LRRTM3: variants seen among roughly 807,000 people sequenced by gnomAD.
LRRTM3 encodes the protein leucine-rich repeat transmembrane neuronal protein 3.
In LRRTM3, 24 loss-of-function variants were observed where a neutral mutation model predicts 44.7. The observed-to-expected ratio is 0.54, with a 90% CI of 0.39 to 0.76. The LOEUF is 0.76. Ranked by LOEUF, LRRTM3 falls within the 30% of genes least tolerant of loss-of-function variation. The probability of loss-of-function intolerance (pLI) is 0.00; values close to 1 mark genes in which losing one functional copy is unlikely to be tolerated. For missense variants in LRRTM3, 587 were observed against 702.2 expected, an observed-to-expected ratio of 0.84 and a Z score of 1.85; for synonymous variants, 277 against 278.7, an observed-to-expected ratio of 0.99 and a Z score of 0.06.
At chr10:67,065,745 T>A (rs932895648) in intron 2 of LRRTM3, among the ~76,000 whole-genome samples, 1 of 152,120 alleles carries the variant, frequency 6.6e-6, no homozygotes, top group Admixed American at 6.5e-5. Context: ...AGGAGGCATA[T>A]ATGTGAATGA....
At chr10:67,061,528 C>T (rs1351776456) in intron 2 of LRRTM3, among the ~76,000 whole-genome samples, 1 of 152,122 alleles carries the variant, frequency 6.6e-6, no homozygotes, top group Non-Finnish European at 1.5e-5. Context: ...GTGGAGGCTG[C>T]ACTTCCCTTG....
At chr10:67,068,396 G>A (rs1724564033) in intron 2 of LRRTM3, among the ~76,000 whole-genome samples, 1 of 152,178 alleles carries the variant, frequency 6.6e-6, no homozygotes, top group Non-Finnish European at 1.5e-5. Flanking sequence ...TACGTTGGGG[G>A]ACATTCGATG....
chr10:67,092,797 G>C (rs906185160), intron 2 of LRRTM3, among the ~76,000 whole-genome samples: 3 of 151,908 alleles, frequency 2.0e-5, no homozygotes, highest in African/African-American at 7.2e-5. Flanking sequence ...TATGAGACTT[G>C]GCACATCACT....
At chr10:67,045,364 C>T (rs1210910168) in intron 2 of LRRTM3, among the ~76,000 whole-genome samples, 3 of 152,048 alleles carry the variant, frequency 2.0e-5, no homozygotes, top group Non-Finnish European at 4.4e-5. Context: ...TGGAGGTCAC[C>T]AAATACCTCC....
chr10:67,056,036 A>G (rs1465519774), intron 2 of LRRTM3, among the ~76,000 whole-genome samples: 2 of 152,064 alleles, frequency 1.3e-5, no homozygotes, highest in South Asian at 2.1e-4. Flanking sequence ...TGTATATTAT[A>G]TTGTTGAGGT....
rs568700637 is a variant in LRRTM3, at chr10:67,035,041, G to C, written c.1537-62546G>C. Among the ~76,000 whole-genome samples the C allele has an allele frequency of 3.9e-5, 6 of 152,298 alleles. No individual in the cohort carries two copies. The South Asian group carries it at 1.2e-3, about 32-fold the overall frequency. ...CCCTTATTGAGGTCACCAGTTAGAAGTGCTCACTGTATTTTATGAATACTG... is the reference window on the plus strand; with the variant it reads ...CCCTTATTGAGGTCACCAGTTAGAACTGCTCACTGTATTTTATGAATACTG... On this transcript the variant is annotated intron_variant, in intron 2 of 2. Coordinates refer to ENST00000361320, the MANE Select transcript of LRRTM3 (RefSeq NM_178011.5).
At chr10:66,940,578 T>C (rs917213882) in intron 2 of LRRTM3, among the ~76,000 whole-genome samples, 1 of 152,234 alleles carries the variant, frequency 6.6e-6, no homozygotes, top group African/African-American at 2.4e-5. Flanking sequence ...AAGAGGTTTC[T>C]GACAAAATGT....
At chr10:66,960,379 G>T (rs977328527) in intron 2 of LRRTM3, among the ~76,000 whole-genome samples, 1 of 152,110 alleles carries the variant, frequency 6.6e-6, no homozygotes, top group Non-Finnish European at 1.5e-5. Context: ...TGTCAAACCA[G>T]ATGTTGTATG....
chr10:66,958,102 C>G (rs992144805), intron 2 of LRRTM3, among the ~76,000 whole-genome samples: 4 of 152,042 alleles, frequency 2.6e-5, no homozygotes, highest in African/African-American at 9.7e-5. Flanking sequence ...TCAGTACCAG[C>G]TTCCAGAACA....
chr10:67,088,969 C>A (rs1276550286), intron 2 of LRRTM3, among the ~76,000 whole-genome samples: 1 of 151,882 alleles, frequency 6.6e-6, no homozygotes, highest in African/African-American at 2.4e-5. Context: ...TAGAACAATA[C>A]AGTATAATGA....
At chr10:66,931,325 C>T (rs771839039) in intron 2 of LRRTM3, among the ~76,000 whole-genome samples, 2 of 151,862 alleles carry the variant, frequency 1.3e-5, no homozygotes, top group African/African-American at 2.4e-5. Context: ...TTTTTATTAA[C>T]CCCAGTACAC....
intron 2 of LRRTM3, among the ~76,000 whole-genome samples, chr10:67,091,953 T>G (rs1857669278): frequency 6.6e-6 from 1 of 152,074 alleles, no homozygotes; most frequent in African/African-American, 2.4e-5. Context: ...GAAATGCCTA[T>G]TTCTTATTTT....
At chr10:66,983,846 A>G (rs1201572913) in intron 2 of LRRTM3, among the ~76,000 whole-genome samples, 1 of 152,256 alleles carries the variant, frequency 6.6e-6, no homozygotes. Context: ...TTGAAAAATA[A>G]TTAATGTTAA....
At chr10:67,006,833 G>C (rs958622183) in intron 2 of LRRTM3, among the ~76,000 whole-genome samples, 6 of 151,096 alleles carry the variant, frequency 4.0e-5, no homozygotes, top group African/African-American at 1.5e-4. Context: ...TCACTCTGTT[G>C]CCCAGGCTGG....
chr10:67,086,796 A>C (rs76730448), intron 2 of LRRTM3, among the ~76,000 whole-genome samples: 2,366 of 152,074 alleles, frequency 0.016, 61 homozygotes, highest in African/African-American at 0.054. Flanking sequence ...AATTCCAAAC[A>C]CTAGTATCTG....
Position 67,097,571 on chromosome 10 carries a change from T to C in LRRTM3, c.1537-16T>C, listed in dbSNP as rs1858081624. On this transcript the variant is annotated splice_polypyrimidine_tract_variant and intron_variant, in intron 2 of 2. Transcript: ENST00000361320. ...ATATTTTTATAACTGACTTTTCTCA[T>C]GTCATTTTTCCCCAGATACCTTTAT... The C allele has an allele frequency of 4.4e-6, 7 of 1,609,114 alleles. No homozygotes were observed. The highest frequency in any genetic ancestry group is 5.9e-6 in the Non-Finnish European group (7 of 1,176,564).
chr10:67,074,086 A>T (rs1318312900), intron 2 of LRRTM3, among the ~76,000 whole-genome samples: 2 of 121,484 alleles, frequency 1.6e-5, no homozygotes, highest in African/African-American at 3.3e-5. Context: ...TCCAGGCTGG[A>T]GTGCAGTGGC....
At chr10:66,945,816 GT>G (rs1239462397) in intron 2 of LRRTM3, among the ~76,000 whole-genome samples, 1 of 152,128 alleles carries the variant, frequency 6.6e-6, no homozygotes, top group Non-Finnish European at 1.5e-5. Flanking sequence ...ACTTTGATGT[GT>G]CTCAGGGAAT....
rs3841706 is a variant in LRRTM3, at chr10:67,052,313, A to ACTCTCTCTCTCT, written c.1537-45244_1537-45233dup. Among the ~76,000 whole-genome samples the ACTCTCTCTCTCT allele has an allele frequency of 8.0e-3, 969 of 121,024 alleles. 23 individuals are homozygous for ACTCTCTCTCTCT. The highest frequency in any genetic ancestry group is 0.019 in the African/African-American group (565 of 30,092). 79.4% of individuals were successfully genotyped at this position (121,024 alleles called of 152,430 possible). A position where few individuals can be genotyped will look rare whatever the true frequency, so the allele number is the denominator to read the frequency against. ...AGAAGAATCTTCACACCCACTCATC[A>ACTCTCTCTCTCT]CTCTCTCTCTCTCTCTCTCTCTCTC... On this transcript the variant is annotated intron_variant, in intron 2 of 2. Coordinates refer to ENST00000361320, the MANE Select transcript of LRRTM3 (RefSeq NM_178011.5).
Sources: allele counts gnomAD v4.1 joint callset (sites outside exome capture counted in the v4.1 genomes callset), GRCh38; gene constraint gnomAD v4.1.1; transcripts MANE v1.5; gene names NCBI Gene and HGNC (gene_info 2026-07-23, HGNC 2026-07-21).